The following PPP2R5C variants were observed in gnomAD, a reference collection of about 807,000 sequenced individuals.
PPP2R5C encodes protein phosphatase 2 regulatory subunit B'gamma, also known as serine/threonine-protein phosphatase 2A 56 kDa regulatory subunit gamma isoform.
A neutral mutation model predicts 68.9 loss-of-function variants in PPP2R5C; 7 were observed. The observed-to-expected ratio is 0.10, with a 90% CI of 0.06 to 0.19. PPP2R5C has a LOEUF of 0.19. Ranked by LOEUF, PPP2R5C falls within the 10% of genes least tolerant of loss-of-function variation. The pLI is 1.00. For missense variants in PPP2R5C, 348 were observed against 641.3 expected, an observed-to-expected ratio of 0.54 and a Z score of 4.94; for synonymous variants, 210 against 222.2, an observed-to-expected ratio of 0.95 and a Z score of 0.49.
At chr14:101,787,410 GGGTGGATGGGTGGGTGGATTTACGGGT>G (rs1335989118) in intron 3 of PPP2R5C, among the ~76,000 whole-genome samples, 4 of 149,650 alleles carry the variant, frequency 2.7e-5, no homozygotes, top group African/African-American at 1.0e-4. Flanking sequence ...ATTTATGGGT[GGGTGGATGGGTGGGTGGATTTACGGGT>G]GGATGAATTT....
chr14:101,766,300 A>G (rs2139939074), intron 2 of PPP2R5C: 1 of 152,310 alleles, frequency 6.6e-6, no homozygotes, highest in African/African-American at 2.4e-5. Context: ...AGTGGAAAAT[A>G]TTTCAGCTTG....
chr14:101,819,573 GTTTGT>G, intron 1 of PPP2R5C: 2 of 151,100 alleles, frequency 1.3e-5, no homozygotes, highest in East Asian at 3.8e-4. Context: ...TTTTGTTTGG[GTTTGT>G]TTTTAGTTTT....
intron 2 of PPP2R5C, among the ~76,000 whole-genome samples, chr14:101,870,721 A>G (rs553548855): frequency 1.3e-5 from 2 of 152,370 alleles, no homozygotes; most frequent in East Asian, 3.9e-4. Flanking sequence ...GAACATGTAG[A>G]CTTGGAGACC....
chr14:101,816,694 G>A (rs997960294), intron 1 of PPP2R5C, among the ~76,000 whole-genome samples: 8 of 151,602 alleles, frequency 5.3e-5, no homozygotes, highest in Admixed American at 2.0e-4. Flanking sequence ...GTGAAGGATC[G>A]TGATCTCTGC....
chr14:101,795,982 A>G (rs1020210688), intron 3 of PPP2R5C, among the ~76,000 whole-genome samples: 1 of 151,970 alleles, frequency 6.6e-6, no homozygotes, highest in Admixed American at 6.6e-5. Flanking sequence ...ACCACCACGC[A>G]CAGCTAATTT....
chr14:101,816,855 AAT>A lies in PPP2R5C; in HGVS notation c.94+6828_94+6829del, dbSNP rs1158840375. Among the ~76,000 whole-genome samples the A allele has an allele frequency of 4.2e-5, 6 of 143,936 alleles. 1 individual carries two copies. The highest frequency in any genetic ancestry group is 4.2e-4 in the South Asian group (2 of 4,740). The allele number at this position is 143,936 out of a possible 152,430, so 94.4% of individuals were successfully genotyped here. ...TTTTTCATAATGTTTGAGAGAAATA[AAT>A]ATATATATTTATTTATATATATATT... On this transcript the variant is annotated intron_variant, in intron 1 of 13. Coordinates refer to ENST00000334743, the Ensembl canonical transcript of PPP2R5C.
chr14:101,765,277 T>C, intron 2 of PPP2R5C: 1 of 702,790 alleles, frequency 1.4e-6, no homozygotes, highest in Non-Finnish European at 2.6e-6. Context: ...AGCTTGACAC[T>C]TGGCAGATCA....
At chr14:101,886,719 C>A (rs1326612908) in intron 5 of PPP2R5C, among the ~76,000 whole-genome samples, 3 of 151,660 alleles carry the variant, frequency 2.0e-5, no homozygotes, top group Admixed American at 2.0e-4. Context: ...TTTTTCTTTT[C>A]TTTTCTTTTC....
intron 1 of PPP2R5C, chr14:101,824,115 G>T (rs1297003215): frequency 7.8e-7 from 1 of 1,288,506 alleles, no homozygotes; most frequent in Non-Finnish European, 1.0e-6. Context: ...CGCACATCCC[G>T]AGAGATTCAT....
chr14:101,807,687 A>G (rs978657648), upstream of PPP2R5C, among the ~76,000 whole-genome samples: 4 of 152,070 alleles, frequency 2.6e-5, no homozygotes, highest in Admixed American at 1.3e-4. Context: ...TGTTTTATCA[A>G]TGATGGCCAG....
intron 2 of PPP2R5C, among the ~76,000 whole-genome samples, chr14:101,782,095 C>T: frequency 1.1e-5 from 1 of 87,166 alleles, no homozygotes; most frequent in Non-Finnish European, 2.4e-5. Flanking sequence ...CCCACCCTTT[C>T]TTCCCCTCCC....
chr14:101,864,161 A>G lies in PPP2R5C; in HGVS notation c.294+7276A>G, dbSNP rs142504948. Among the ~76,000 whole-genome samples, 106 of 152,330 alleles carry G rather than the reference A, an allele frequency of 7.0e-4. 1 individual carries two copies. Among genetic ancestry groups the G allele is most frequent in the Non-Finnish European group, 1.3e-3 (88 of 68,032 alleles). On this transcript the variant is annotated intron_variant, in intron 2 of 13. Transcript: ENST00000334743. ...TATAGACTCAATAAATATTCATTCA[A>G]TATGAGGTTTTCTGCATAGACTTGG...
intron 1 of PPP2R5C, among the ~76,000 whole-genome samples, chr14:101,849,062 A>G (rs902956224): frequency 1.3e-5 from 2 of 152,228 alleles, no homozygotes; most frequent in Non-Finnish European, 2.9e-5. Context: ...AGTATTTTGT[A>G]AGGCATATCC....
At chr14:101,844,655 A>G (rs1420198204) in intron 1 of PPP2R5C, among the ~76,000 whole-genome samples, 1 of 152,214 alleles carries the variant, frequency 6.6e-6, no homozygotes, top group Non-Finnish European at 1.5e-5. Flanking sequence ...AGAGAACATA[A>G]AAAGGGCCTG....
At chr14:101,799,665 G>T (rs760964140) in intron 3 of PPP2R5C, among the ~76,000 whole-genome samples, 1 of 152,218 alleles carries the variant, frequency 6.6e-6, no homozygotes, top group African/African-American at 2.4e-5. Flanking sequence ...GATAGCTTCA[G>T]TGAGCCTACA....
At chr14:101,761,046 C>T (rs1294592105), upstream of PPP2R5C, among the ~76,000 whole-genome samples, 1 of 53,274 alleles carries the variant, frequency 1.9e-5, no homozygotes. Context: ...GGGGAGGGGA[C>T]GGAGGGGAGG....
chr14:101,771,294 G>A (rs557485362), intron 2 of PPP2R5C, among the ~76,000 whole-genome samples: 5 of 147,612 alleles, frequency 3.4e-5, no homozygotes, highest in Non-Finnish European at 5.9e-5. Context: ...TCACCCTGTC[G>A]CCCAGGCTGG....
At chr14:101,794,047 G>A (rs1266584311) in intron 3 of PPP2R5C, among the ~76,000 whole-genome samples, 2 of 152,172 alleles carry the variant, frequency 1.3e-5, no homozygotes, top group Non-Finnish European at 2.9e-5. Flanking sequence ...GAGGCACGGG[G>A]CAAGCCATGG....
rs112430492 is a variant in PPP2R5C at position 101,833,951 on chromosome 14, G to A, written c.95-22735G>A. Among the ~76,000 whole-genome samples the A allele has an allele frequency of 5.5e-3, 837 of 152,166 alleles. 10 individuals carry two copies. Among genetic ancestry groups the A allele is most frequent in the African/African-American group, 0.018 (734 of 41,520 alleles). On this transcript the variant is annotated intron_variant, in intron 1 of 13. Coordinates refer to ENST00000334743, the Ensembl canonical transcript of PPP2R5C. Reference sequence around the variant, plus strand: ...CATGTAGCTGGGATTACAGGCACCCGCCACCTGCCACCACGCTCGGCTAAT... The same window carrying A: ...CATGTAGCTGGGATTACAGGCACCCACCACCTGCCACCACGCTCGGCTAAT...
Sources: gnomAD v4.1 joint callset for allele counts (sites outside exome capture counted in the v4.1 genomes callset) on GRCh38, gnomAD v4.1.1 for gene constraint, MANE v1.5 for transcripts, NCBI Gene and HGNC (gene_info 2026-07-23, HGNC 2026-07-21) for gene names.